PTPRQ: variants seen among roughly 807,000 people sequenced by gnomAD.
The protein encoded by PTPRQ is phosphatidylinositol phosphatase PTPRQ.
PTPRQ carries 199 observed loss-of-function variants against 246.0 expected under a neutral mutation model. The ratio of observed to expected loss-of-function variants is 0.81; its 90% CI spans 0.72 to 0.91. The LOEUF (loss-of-function observed/expected upper bound fraction) is 0.91. PTPRQ is among the 40% of genes least tolerant of loss of function. The pLI is 0.00. For synonymous variants in PTPRQ, 869 were observed against 853.2 expected (o/e 1.02, Z -0.32); for missense variants, 2,624 against 2,528.4 (o/e 1.04, Z -0.81).
chr12:80,674,050 A>C (rs965288922), intron 43 of PTPRQ, among the ~76,000 whole-genome samples: 1 of 152,212 alleles, frequency 6.6e-6, no homozygotes, highest in East Asian at 1.9e-4. Context: ...AGGGAAGCAC[A>C]TGTTCCAAGA....
At chr12:80,624,035 C>A (rs919731268) in intron 33 of PTPRQ, among the ~76,000 whole-genome samples, 6 of 152,142 alleles carry the variant, frequency 3.9e-5, no homozygotes, top group Non-Finnish European at 7.3e-5. Flanking sequence ...AACCATTAAT[C>A]CTGGAATGTA....
intron 17 of PTPRQ, among the ~76,000 whole-genome samples, chr12:80,520,303 C>A (rs1441398081): frequency 6.6e-6 from 1 of 152,000 alleles, no homozygotes; most frequent in Non-Finnish European, 1.5e-5. Context: ...TCTCATCAGA[C>A]CTGATGGCTT....
chr12:80,666,061 G>T (rs1367365737), intron 39 of PTPRQ, among the ~76,000 whole-genome samples: 1 of 151,854 alleles, frequency 6.6e-6, no homozygotes, highest in African/African-American at 2.4e-5. Flanking sequence ...ACCACTACTG[G>T]GTATATATCC....
chr12:80,534,641 G>C (rs190777519), intron 18 of PTPRQ, among the ~76,000 whole-genome samples: 1 of 152,038 alleles, frequency 6.6e-6, no homozygotes, highest in Admixed American at 6.5e-5. Context: ...GCAGTGGACA[G>C]GTTTTAGAAC....
chr12:80,497,428 T>G (rs1030727985), intron 14 of PTPRQ, among the ~76,000 whole-genome samples: 5 of 152,036 alleles, frequency 3.3e-5, no homozygotes, highest in Non-Finnish European at 7.4e-5. Flanking sequence ...AGGCAGTAAT[T>G]CAGGCGATAG....
chr12:80,480,589 G>T (rs1004437832), intron 8 of PTPRQ, among the ~76,000 whole-genome samples: 2 of 149,712 alleles, frequency 1.3e-5, no homozygotes, highest in South Asian at 4.3e-4. Context: ...CCAGGAGCTG[G>T]TTTTTTGAAA....
At chr12:80,464,072 G>C (rs1179141683) in intron 6 of PTPRQ, among the ~76,000 whole-genome samples, 1 of 151,874 alleles carries the variant, frequency 6.6e-6, no homozygotes, top group East Asian at 1.9e-4. Flanking sequence ...ACACAGACTG[G>C]CAAATTAGAT....
intron 19 of PTPRQ, among the ~76,000 whole-genome samples, chr12:80,537,437 T>C (rs1375458764): frequency 2.6e-5 from 4 of 152,190 alleles, no homozygotes; most frequent in Non-Finnish European, 5.9e-5. Context: ...AGTTCCCTTA[T>C]GCCATGACAA....
intron 42 of PTPRQ, among the ~76,000 whole-genome samples, chr12:80,672,657 A>C (rs1901007384): frequency 6.6e-6 from 1 of 152,064 alleles, no homozygotes; most frequent in African/African-American, 2.4e-5. Context: ...TTTTAAATGA[A>C]AATAGTTTTT....
chr12:80,558,468 T>C (rs2120907855), intron 25 of PTPRQ, among the ~76,000 whole-genome samples: 1 of 83,768 alleles, frequency 1.2e-5, no homozygotes, highest in Non-Finnish European at 2.1e-5. Context: ...GCACCTGGCC[T>C]TTTTTTTTTT....
At chr12:80,567,102 CA>C (rs1897001975) in intron 25 of PTPRQ, among the ~76,000 whole-genome samples, 1 of 152,080 alleles carries the variant, frequency 6.6e-6, no homozygotes, top group Admixed American at 6.5e-5. Flanking sequence ...AAACAGGTAC[CA>C]AACAATAGTT....
At chr12:80,555,311 A>G (rs1465093520) in intron 25 of PTPRQ, among the ~76,000 whole-genome samples, 1 of 152,208 alleles carries the variant, frequency 6.6e-6, no homozygotes, top group Non-Finnish European at 1.5e-5. Context: ...CTTCTGCTTC[A>G]GCCTCCCAAA....
chr12:80,671,180 A>C (rs2121287002), intron 42 of PTPRQ, among the ~76,000 whole-genome samples: 1 of 152,204 alleles, frequency 6.6e-6, no homozygotes, highest in South Asian at 2.1e-4. Context: ...TAAAATTATA[A>C]GACTAATACG....
Position 80,588,228 on chromosome 12 carries a change from AT to A in PTPRQ, c.4387del (p.Tyr1463ThrfsTer34). The A allele has an allele frequency of 1.9e-6, 3 of 1,551,640 alleles. No individual in the cohort carries two copies. The highest frequency in any genetic ancestry group is 2.6e-6 in the Non-Finnish European group (3 of 1,146,944). On this transcript the variant is annotated frameshift_variant, in exon 26 of 45. Transcript: ENST00000644991. LOFTEE classifies it high-confidence loss of function. ...GACACTATCCTTGGCTACTTTCAAA[AT>A]TACAAAATTACCACTCAACTTCGTG... ...RPDTILGYFQ[N>X]YKITTQLRAQ...
chr12:80,542,053 T>C, intron 21 of PTPRQ, 36 bp from the exon 22 acceptor site: 1 of 1,520,594 alleles, frequency 6.6e-7, no homozygotes, highest in Admixed American at 2.4e-5. Context: ...GCTGATTCAC[T>C]TTTGTTTCAT....
At chr12:80,577,193 T>C (rs186031783) in intron 25 of PTPRQ, among the ~76,000 whole-genome samples, 64 of 152,346 alleles carry the variant, frequency 4.2e-4, no homozygotes, top group Admixed American at 1.4e-3. Flanking sequence ...CACACTGCTA[T>C]GAAGAAATAG....
At chr12:80,570,121 T>C (rs1422303870) in intron 25 of PTPRQ, among the ~76,000 whole-genome samples, 2 of 151,960 alleles carry the variant, frequency 1.3e-5, no homozygotes, top group Non-Finnish European at 2.9e-5. Flanking sequence ...CTGGGTCAAA[T>C]GGTATTTCTA....
intron 24 of PTPRQ, 185 bp downstream of exon 24, chr12:80,546,882 A>C: frequency 1.7e-6 from 1 of 582,580 alleles, no homozygotes; most frequent in East Asian, 3.5e-5. Context: ...GTTTATACAT[A>C]TATTTTCACA....
At chr12:80,541,511 A>C in intron 20 of PTPRQ, 44 bp from the exon 21 acceptor site, 2 of 1,377,044 alleles carry the variant, frequency 1.5e-6, no homozygotes, top group Non-Finnish European at 1.9e-6. Context: ...GATTCTGTTT[A>C]GGGTAACTGA....
Sources: gnomAD v4.1 joint callset for allele counts (sites outside exome capture counted in the v4.1 genomes callset) on GRCh38, gnomAD v4.1.1 for gene constraint, MANE v1.5 for transcripts, NCBI Gene and HGNC (gene_info 2026-07-23, HGNC 2026-07-21) for gene names.